SAC3D1: variants seen among roughly 807,000 people sequenced by gnomAD.
The protein encoded by SAC3D1 is SAC3 domain-containing protein 1.
A neutral mutation model predicts 12.7 loss-of-function variants in SAC3D1; 10 were observed. The observed-to-expected ratio is 0.79, with a 90% CI of 0.49 to 1.34. The LOEUF is 1.34. SAC3D1 is among the 40% of genes most tolerant of loss of function. The pLI is 0.00. For synonymous variants in SAC3D1, 241 were observed against 250.8 expected (o/e 0.96, Z 0.37); for missense variants, 482 against 531.1 (o/e 0.91, Z 0.91).
At chr11:65,040,959 G>T (rs1345990448), upstream of SAC3D1, 1 of 393,942 alleles carries the variant, frequency 2.5e-6, no homozygotes, top group African/African-American at 2.2e-5. Context: ...AGCGGCCCGG[G>T]CTACACGTTA....
At position 65,041,599 on chromosome 11, in the gene SAC3D1, GA is replaced by G. The variant is rs1272014870; in HGVS notation, c.308del (p.Asp103AlafsTer32). On this transcript the variant is annotated frameshift_variant, in exon 1 of 2. Coordinates refer to ENST00000652489, the MANE Select transcript of SAC3D1 (RefSeq NM_013299.4). LOFTEE classifies it high-confidence loss of function. ...CGCCGAGGTGGCCAGCTTCGTGGCA[GA>G]CCGCTTGCGAGCTGTGCTCCTGGAC... is the stretch of plus-strand genomic sequence containing the variant. The part of the protein sequence containing the change: ...ARAEVASFVA[D>X]RLRAVLLDLA... 2.6e-5 allele frequency: 39 copies of G among 1,472,960 alleles called. No individual in the cohort carries two copies. Among genetic ancestry groups the G allele is most frequent in the Non-Finnish European group, 3.2e-5 (36 of 1,117,542 alleles). The allele number at this position is 1,472,960 out of a possible 1,614,324, so 91.2% of individuals were successfully genotyped here.
intron 1 of SAC3D1, 142 bp downstream of exon 1, chr11:65,042,008 G>A (rs1043397769): frequency 1.7e-6 from 2 of 1,145,860 alleles, no homozygotes; most frequent in African/African-American, 1.6e-5. Context: ...GAGCCCCGAC[G>A]TGGGACCTCG....
upstream of SAC3D1, chr11:65,041,087 G>C: frequency 1.7e-6 from 1 of 605,408 alleles, no homozygotes; most frequent in Non-Finnish European, 2.8e-6. Context: ...CATCTCGGGA[G>C]GCCAACTCGA....
chr11:65,041,545 G>T lies in SAC3D1; in HGVS notation c.253G>T (p.Glu85Ter). 1 of 1,473,530 alleles carries T rather than the reference G, an allele frequency of 6.8e-7. No homozygotes were observed. The highest frequency in any genetic ancestry group is 1.3e-5 in the South Asian group (1 of 77,658). 91.3% of individuals were successfully genotyped at this position (1,473,530 alleles called of 1,614,324 possible). Reference protein sequence around the residue: ...LLATVRYLAGEVAESADIARA... With the variant: ...LLATVRYLAG ...GGCCACCGTGCGCTACCTGGCCGGTGAGGTGGCGGAGAGCGCCGACATCGC... is the reference window on the plus strand; with the variant it reads ...GGCCACCGTGCGCTACCTGGCCGGTTAGGTGGCGGAGAGCGCCGACATCGC... Residue 85 changes from glutamate (E) to a stop codon, truncating the protein, a stop_gained, in exon 1 of 2, where the codon GAG becomes TAG. Transcript: ENST00000652489. LOFTEE classifies it high-confidence loss of function.
chr11:65,041,282 G>A lies in SAC3D1; in HGVS notation c.-11G>A. ...GATGCTGAGCGCCCACCGTCTCCCC[G>A]CAGCCCCCTCATGCCCGGCTGCGAG... is the stretch of plus-strand genomic sequence containing the variant. On this transcript the variant is annotated 5_prime_UTR_variant, in exon 1 of 2. Transcript: ENST00000652489. 6.7e-7 allele frequency: 1 copy of A among 1,496,200 alleles called. No individual in the cohort carries two copies. The highest frequency in any genetic ancestry group is 8.8e-7 in the Non-Finnish European group (1 of 1,130,730). 92.7% of individuals were successfully genotyped at this position (1,496,200 alleles called of 1,614,324 possible).
At chr11:65,041,980 G>A in intron 1 of SAC3D1, 114 bp downstream of exon 1, 1 of 1,235,546 alleles carries the variant, frequency 8.1e-7, no homozygotes, top group Non-Finnish European at 1.0e-6. Flanking sequence ...CCCCTCCCAG[G>A]ACAGCACAAG....
rs775413824 is a variant in SAC3D1 at position 65,044,214 on chromosome 11, C to A, written c.575-11C>A. 10 of 1,610,568 alleles carry A rather than the reference C, an allele frequency of 6.2e-6. No individual in the cohort carries two copies. The South Asian group carries it at 1.1e-4, about 18-fold the overall frequency. ...ACCAGGCGTCCTCATTCTGGCTTCC[C>A]GCTCTCACAGGCTCGGTGGAAGCCC... is the stretch of plus-strand genomic sequence containing the variant. On this transcript the variant is annotated splice_polypyrimidine_tract_variant and intron_variant, in intron 1 of 1. Transcript: ENST00000652489. This position sits in a 1 kb window ranked among gnomAD's most constrained non-coding sequence, Gnocchi z 4.0.
At position 65,044,273 on chromosome 11, in the gene SAC3D1, G is replaced by A. The variant is rs550483353; in HGVS notation, c.623G>A (p.Arg208His). The A allele has an allele frequency of 1.5e-5, 25 of 1,613,140 alleles. No homozygotes were observed. The highest frequency in any genetic ancestry group is 1.1e-4 in the African/African-American group (8 of 75,072). ...HEVLQLPAAL[R>H]ACPPLRKALA... ...GTTCTACAGCTGCCTGCTGCCCTGC[G>A]CGCCTGCCCGCCCCTCCGCAAGGCC... The change falls in exon 2 of 2, where the codon CGC becomes CAC. Residue 208 changes from arginine to histidine, a missense_variant. Coordinates refer to ENST00000652489, the MANE Select transcript of SAC3D1 (RefSeq NM_013299.4). This position sits in a 1 kb window ranked among gnomAD's most constrained non-coding sequence, Gnocchi z 4.0.
Position 65,041,864 on chromosome 11 carries a change from TG to T in SAC3D1, c.574+1del, listed in dbSNP as rs1946611649. 1.4e-6 allele frequency: 2 copies of T among 1,445,200 alleles called. No homozygotes were observed. The highest frequency in any genetic ancestry group is 1.8e-6 in the Non-Finnish European group (2 of 1,106,718). 89.5% of individuals were successfully genotyped at this position (1,445,200 alleles called of 1,614,324 possible). ...AFQGLFLLYN[L>X]GSVEALHEVL... ...CAGGGCCTCTTTCTGCTCTATAACC[TG>T]GGTGAGTCGGGATCCTGGCGGCTGG... On this transcript the variant is annotated frameshift_variant and splice_region_variant, in exon 1 of 2. Transcript: ENST00000652489. LOFTEE classifies it low-confidence loss of function (END_TRUNC).
intron 1 of SAC3D1, 101 bp downstream of exon 1, chr11:65,041,967 A>G (rs1427459317): frequency 1.6e-6 from 2 of 1,268,862 alleles, no homozygotes; most frequent in Non-Finnish European, 2.0e-6. Context: ...TCTCACCATT[A>G]GCCCCCTCCC....
Position 65,044,378 on chromosome 11 carries a change from G to C in SAC3D1, c.728G>C (p.Ser243Thr). The change falls in exon 2 of 2, where the codon AGT (serine) becomes ACT (threonine). Residue 243 changes from serine (S) to threonine (T), a missense_variant. Physicochemically the swap from Ser to Thr is moderately conservative, Grantham distance 58 (BLOSUM62 1). This residue lies in a region of SAC3D1 where 225 missense variants were observed against 241.1 expected (regional missense o/e 0.93). Coordinates refer to ENST00000652489, the MANE Select transcript of SAC3D1 (RefSeq NM_013299.4). The surrounding 1 kb of genome is among the most constrained non-coding windows in gnomAD (Gnocchi z 4.0). ...RLLQTLPYLP[S>T]CAVQCHVGHA... ...CTCCAGACCCTGCCCTACCTGCCAAGTTGCGCTGTGCAGTGCCATGTGGGC... is the reference window on the plus strand; with the variant it reads ...CTCCAGACCCTGCCCTACCTGCCAACTTGCGCTGTGCAGTGCCATGTGGGC... 1 of 1,613,618 alleles carries C rather than the reference G, an allele frequency of 6.2e-7. No homozygotes were observed. The highest frequency in any genetic ancestry group is 8.5e-7 in the Non-Finnish European group (1 of 1,180,030).
rs1237761280 is a variant in SAC3D1 at position 65,044,367 on chromosome 11, C to T, written c.717C>T (p.Pro239=). 1 of 1,613,562 alleles carries T rather than the reference C, an allele frequency of 6.2e-7. No homozygotes were observed. Residue 239 remains proline, a synonymous_variant, in exon 2 of 2, where the codon CCC becomes CCT. Coordinates refer to ENST00000652489, the MANE Select transcript of SAC3D1 (RefSeq NM_013299.4). The surrounding 1 kb of genome is among the most constrained non-coding windows in gnomAD (Gnocchi z 4.0). Reference sequence around the variant, plus strand: ...TGTTCCGTCTGCTCCAGACCCTGCCCTACCTGCCAAGTTGCGCTGTGCAGT... The same window carrying T: ...TGTTCCGTCTGCTCCAGACCCTGCCTTACCTGCCAAGTTGCGCTGTGCAGT... ...ARLFRLLQTL[P]YLPSCAVQCH...
rs1365069829 is a variant in SAC3D1 at position 65,041,782 on chromosome 11, T to G, written c.490T>G (p.Ser164Ala). The G allele has an allele frequency of 2.1e-6, 3 of 1,422,814 alleles. No individual in the cohort carries two copies. The African/African-American group carries it at 4.5e-5, about 21-fold the overall frequency. 88.1% of individuals were successfully genotyped at this position (1,422,814 alleles called of 1,614,324 possible). A position where few individuals can be genotyped will look rare whatever the true frequency, so the allele number is the denominator to read the frequency against. Residue 164 changes from serine (S) to alanine (A), a missense_variant, in exon 1 of 2, where the codon TCG (serine) becomes GCG (alanine). Transcript: ENST00000652489. ...GGCCCAGGTGCAGGAGGGCTTCGGC[T>G]CGCTGCGGCGCTGCTACGCGCGGGG... ...LQAQVQEGFG[S>A]LRRCYARGAG...
rs374390193 is a variant in SAC3D1, at chr11:65,044,593, G to C, written c.943G>C (p.Val315Leu). The change falls in exon 2 of 2, where the codon GTG becomes CTG. Residue 315 changes from valine (V) to leucine (L), a missense_variant. Val to Leu is a conservative substitution (Grantham distance 32). Around this residue, in one of 3 missense-constraint regions of SAC3D1, gnomAD observed 225 missense variants for 241.1 expected, o/e 0.93. Transcript: ENST00000652489. This position sits in a 1 kb window ranked among gnomAD's most constrained non-coding sequence, Gnocchi z 4.0. ...AGTTGTGTTCCTGAGGGGTCGCTACGTGGAGGAAGGGCTACCGCCTGCCAG... is the reference window on the plus strand; with the variant it reads ...AGTTGTGTTCCTGAGGGGTCGCTACCTGGAGGAAGGGCTACCGCCTGCCAG... ...ERVVFLRGRY[V>L]EEGLPPASTC... 41 of 1,613,976 alleles carry C rather than the reference G, an allele frequency of 2.5e-5. No homozygotes were observed. Among genetic ancestry groups the C allele is most frequent in the Non-Finnish European group, 3.3e-5 (39 of 1,180,040 alleles).
rs1282067683 is a variant in SAC3D1, at chr11:65,041,652, C to T, written c.360C>T (p.Ala120=). The part of the protein sequence containing the change: ...LDLALQGAGD[A]EAAVVLEAAL... ...TGGCGCTGCAGGGAGCGGGCGACGC[C>T]GAGGCAGCTGTGGTGCTGGAGGCGG... The change falls in exon 1 of 2, where the codon GCC becomes GCT. Residue 120 remains alanine, a synonymous_variant. Coordinates refer to ENST00000652489, the MANE Select transcript of SAC3D1 (RefSeq NM_013299.4). The T allele has an allele frequency of 2.8e-6, 4 of 1,441,774 alleles. No homozygotes were observed. The African/African-American group carries it at 4.4e-5, about 16-fold the overall frequency. 89.3% of individuals were successfully genotyped at this position (1,441,774 alleles called of 1,614,324 possible).
chr11:65,044,490 C>A lies in SAC3D1; in HGVS notation c.840C>A (p.Asn280Lys), dbSNP rs1290774886. The change falls in exon 2 of 2, where the codon AAC becomes AAA. Residue 280 changes from asparagine (N) to lysine (K), a missense_variant. This residue lies in a region of SAC3D1 where 225 missense variants were observed against 241.1 expected (regional missense o/e 0.93). Transcript: ENST00000652489. This position sits in a 1 kb window ranked among gnomAD's most constrained non-coding sequence, Gnocchi z 4.0. Reference protein sequence around the residue: ...GQTLPLGFMVNLLALDGLREA... With the variant: ...GQTLPLGFMVKLLALDGLREA... ...CCTTGCCTCTGGGCTTCATGGTCAA[C>A]CTCTTGGCCCTGGATGGACTCAGGG... The A allele has an allele frequency of 2.5e-5, 41 of 1,614,012 alleles. No homozygotes were observed. The highest frequency in any genetic ancestry group is 3.4e-5 in the Non-Finnish European group (40 of 1,180,058).
chr11:65,043,159 G>A (rs944401144), intron 1 of SAC3D1: 5 of 375,674 alleles, frequency 1.3e-5, no homozygotes, highest in African/African-American at 1.1e-4. Flanking sequence ...CTCTGAAGAA[G>A]GCATGGTAAT....
Position 65,041,481 on chromosome 11 carries a change from GC to G in SAC3D1, c.194del (p.Pro65ArgfsTer70), listed in dbSNP as rs1346876709. 3 of 1,474,058 alleles carry G rather than the reference GC, an allele frequency of 2.0e-6. No homozygotes were observed. Among genetic ancestry groups the G allele is most frequent in the East Asian group, 2.8e-5 (1 of 35,430 alleles). 91.3% of individuals were successfully genotyped at this position (1,474,058 alleles called of 1,614,324 possible). A position where few individuals can be genotyped will look rare whatever the true frequency, so the allele number is the denominator to read the frequency against. Reference protein sequence around the residue: ...YSRPAAGKPRPPPSQLRPPSV... With the variant: ...YSRPAAGKPRXPPSQLRPPSV... ...GCCGACCCGCCGCCGGCAAGCCCCG[GC>G]CCCCGCCCAGCCAGTTGCGTCCGCC... On this transcript the variant is annotated frameshift_variant, in exon 1 of 2. Coordinates refer to ENST00000652489, the MANE Select transcript of SAC3D1 (RefSeq NM_013299.4). LOFTEE classifies it high-confidence loss of function.
At position 65,044,297 on chromosome 11, in the gene SAC3D1, C is replaced by A; in HGVS notation, c.647C>A (p.Ala216Asp). The change falls in exon 2 of 2, where the codon GCC becomes GAC. Residue 216 changes from alanine (A) to aspartate (D), a missense_variant. By Grantham distance (126) the Ala-to-Asp change is moderately radical. Coordinates refer to ENST00000652489, the MANE Select transcript of SAC3D1 (RefSeq NM_013299.4). This position sits in a 1 kb window ranked among gnomAD's most constrained non-coding sequence, Gnocchi z 4.0. ...ALRACPPLRK[A>D]LAVDAAFREG... ...CGCGCCTGCCCGCCCCTCCGCAAGGCCTTGGCGGTAGATGCTGCCTTCCGA... is the reference window on the plus strand; with the variant it reads ...CGCGCCTGCCCGCCCCTCCGCAAGGACTTGGCGGTAGATGCTGCCTTCCGA... 1 of 1,613,356 alleles carries A rather than the reference C, an allele frequency of 6.2e-7. No homozygotes were observed. Among genetic ancestry groups the A allele is most frequent in the Non-Finnish European group, 8.5e-7 (1 of 1,180,024 alleles).
Sources: gnomAD v4.1 joint callset for allele counts on GRCh38, gnomAD v4.1.1 for gene constraint, gnomAD v4.1.1 regional missense constraint, Gnocchi (gnomAD v3.1) non-coding constraint, MANE v1.5 for transcripts, NCBI Gene and HGNC (gene_info 2026-07-23, HGNC 2026-07-21) for gene names.